HNRNPH1: variants seen among roughly 807,000 people sequenced by gnomAD.
HNRNPH1 encodes the protein heterogeneous nuclear ribonucleoprotein H.
Under a neutral mutation model 58.6 loss-of-function variants are expected in HNRNPH1, and 4 were observed. That is an observed-to-expected ratio of 0.07 (90% confidence interval 0.03 to 0.16). The LOEUF (loss-of-function observed/expected upper bound fraction) is 0.16, where lower values mean the gene tolerates loss of function less well. Among genes scored for constraint, HNRNPH1 ranks in the 10% least tolerant of loss-of-function variants. HNRNPH1 has a pLI of 1.00. For synonymous variants in HNRNPH1, 192 were observed against 189.2 expected (o/e 1.01, Z -0.12); for missense variants, 271 against 564.2 (o/e 0.48, Z 5.26).
intron 2 of HNRNPH1, among the ~76,000 whole-genome samples, chr5:179,633,249 C>A (rs531839679): frequency 3.3e-5 from 5 of 151,902 alleles, no homozygotes; most frequent in African/African-American, 1.2e-4. Context: ...CCTCAGCCTC[C>A]CGAAGTGTTG....
At chr5:179,617,027 C>A (rs762478261) in intron 9 of HNRNPH1, 24 bp downstream of exon 10, 1 of 1,605,300 alleles carries the variant, frequency 6.2e-7, no homozygotes, top group Non-Finnish European at 8.5e-7. Flanking sequence ...TTACACAAAC[C>A]CATGCCTCCT....
intron 1 of HNRNPH1, chr5:179,621,726 T>C: frequency 2.5e-6 from 1 of 392,902 alleles, no homozygotes; most frequent in Non-Finnish European, 4.8e-6. Flanking sequence ...TGTGTGACTT[T>C]ACGGCAAACA....
At chr5:179,621,761 C>G in intron 1 of HNRNPH1, 2 of 371,760 alleles carry the variant, frequency 5.4e-6, no homozygotes, top group African/African-American at 2.1e-5. Flanking sequence ...CTGTTTTGGT[C>G]TGGGGCATTT....
At chr5:179,631,306 A>C (rs1774811898) in intron 2 of HNRNPH1, among the ~76,000 whole-genome samples, 1 of 152,176 alleles carries the variant, frequency 6.6e-6, no homozygotes, top group Admixed American at 6.6e-5. Context: ...ATCATGAAAA[A>C]AAAAGTTGAG....
At chr5:179,628,374 G>A (rs1369253297), upstream of HNRNPH1, among the ~76,000 whole-genome samples, 1 of 152,022 alleles carries the variant, frequency 6.6e-6, no homozygotes, top group Admixed American at 6.6e-5. Flanking sequence ...ATTTATTTTA[G>A]ATGGAGTCTT....
intron 1 of HNRNPH1, among the ~76,000 whole-genome samples, chr5:179,622,665 C>T (rs1773069931): frequency 1.3e-5 from 2 of 152,094 alleles, no homozygotes; most frequent in African/African-American, 4.8e-5. Flanking sequence ...GAGCCGAGAA[C>T]GCGCCACTGC....
upstream of HNRNPH1, chr5:179,629,151 G>T (rs1218671366): frequency 2.0e-5 from 3 of 150,152 alleles, no homozygotes; most frequent in Admixed American, 1.3e-4. Context: ...CAAAAAATTA[G>T]CCGGGCGTGG....
At chr5:179,615,120 A>C in intron 12 of HNRNPH1, 161 bp from the exon 14 acceptor site, 1 of 602,704 alleles carries the variant, frequency 1.7e-6, no homozygotes, top group Non-Finnish European at 3.0e-6. Context: ...ACTCCAAACA[A>C]GCCTCAATTA....
chr5:179,629,752 G>A (rs556627092), intron 2 of HNRNPH1, among the ~76,000 whole-genome samples: 1 of 152,372 alleles, frequency 6.6e-6, no homozygotes, highest in Non-Finnish European at 1.5e-5. Flanking sequence ...ACTGGGTGCA[G>A]TGGCTTACGC....
intron 3 of HNRNPH1, among the ~76,000 whole-genome samples, chr5:179,620,418 T>A (rs1318037299): frequency 1.3e-5 from 2 of 152,350 alleles, no homozygotes; most frequent in East Asian, 3.9e-4. Flanking sequence ...CCACACAGGT[T>A]AAACCAAGTC....
upstream of HNRNPH1, among the ~76,000 whole-genome samples, chr5:179,626,070 G>C (rs1268896595): frequency 6.6e-6 from 1 of 151,514 alleles, no homozygotes; most frequent in Non-Finnish European, 1.5e-5. Flanking sequence ...TGGGATTACA[G>C]GTGTGAGCCA....
exon 1 of HNRNPH1, chr5:179,624,210 T>G: frequency 6.6e-6 from 2 of 304,146 alleles, no homozygotes; most frequent in East Asian, 5.4e-5. Context: ...CAGCTGCAGA[T>G]TGTCGAACGT....
chr5:179,619,105 TTAG>T (rs1771130479), intron 4 of HNRNPH1, 161 bp downstream of exon 5: 7 of 597,934 alleles, frequency 1.2e-5, no homozygotes, highest in Non-Finnish European at 2.0e-5. Context: ...AACCTAAAAT[TTAG>T]TTTGCGTGTA....
chr5:179,633,269 G>A (rs1774995055), intron 2 of HNRNPH1, among the ~76,000 whole-genome samples: 1 of 149,384 alleles, frequency 6.7e-6, no homozygotes, highest in Admixed American at 6.8e-5. Flanking sequence ...GGGATTACAG[G>A]TGTGAGCCAC....
At chr5:179,619,987 C>T (rs1771543656) in intron 3 of HNRNPH1, 6 of 152,300 alleles carry the variant, frequency 3.9e-5, no homozygotes, top group African/African-American at 1.2e-4. Context: ...TATGAAAAAT[C>T]CTTTCCGTGG....
chr5:179,620,075 C>T (rs948918752), intron 3 of HNRNPH1: 3 of 152,172 alleles, frequency 2.0e-5, no homozygotes, highest in Non-Finnish European at 4.4e-5. Flanking sequence ...TTAACGTTGA[C>T]AGCATTCAAT....
At chr5:179,621,158 A>G in intron 2 of HNRNPH1, 84 bp downstream of exon 3, 1 of 1,492,340 alleles carries the variant, frequency 6.7e-7, no homozygotes, top group Non-Finnish European at 9.3e-7. Flanking sequence ...ATTTCCATGC[A>G]GTCAAATACC....
At chr5:179,628,892 G>T (rs1212951788), upstream of HNRNPH1, among the ~76,000 whole-genome samples, 1 of 152,150 alleles carries the variant, frequency 6.6e-6, no homozygotes, top group Admixed American at 6.5e-5. Flanking sequence ...GAGGTGGGAG[G>T]ATGGCTTGAA....
chr5:179,614,890 A>G (rs1581616633), exon 13 of HNRNPH1: 3 of 1,549,244 alleles, frequency 1.9e-6, no homozygotes, highest in African/African-American at 1.4e-5. Flanking sequence ...CAACCCTCCC[A>G]TTCCGTTCAC....
Sources: allele counts gnomAD v4.1 joint callset (sites outside exome capture counted in the v4.1 genomes callset), GRCh38; gene constraint gnomAD v4.1.1; transcripts MANE v1.5; gene names NCBI Gene and HGNC (gene_info 2026-07-23, HGNC 2026-07-21).